The following GRIA1 variants were observed in gnomAD, a reference collection of about 807,000 sequenced individuals.
GRIA1 encodes the protein glutamate receptor 1.
GRIA1 carries 31 observed loss-of-function variants against 99.2 expected under a neutral mutation model. The ratio of observed to expected loss-of-function variants is 0.31; its 90% CI spans 0.23 to 0.42. The LOEUF is 0.42. Ranked by LOEUF, GRIA1 falls within the 10% of genes least tolerant of loss-of-function variation. The pLI is 1.00. For missense variants in GRIA1, 782 were observed against 1,157.5 expected (o/e 0.68, Z 4.71); for synonymous variants, 438 against 432.4 (o/e 1.01, Z -0.16).
At chr5:153,797,701 G>C (rs1165385998) in intron 14 of GRIA1, among the ~76,000 whole-genome samples, 1 of 152,166 alleles carries the variant, frequency 6.6e-6, no homozygotes, top group Non-Finnish European at 1.5e-5. Context: ...TTTTGAGTCA[G>C]GATGTTCTGC....
chr5:153,589,519 A>G (rs779323534), intron 2 of GRIA1, among the ~76,000 whole-genome samples: 1 of 152,212 alleles, frequency 6.6e-6, no homozygotes, highest in Non-Finnish European at 1.5e-5. Flanking sequence ...AACTTCTCAT[A>G]CTGAAATCGG....
intron 2 of GRIA1, among the ~76,000 whole-genome samples, chr5:153,596,028 T>TAAA (rs5872327): frequency 4.1e-5 from 6 of 147,688 alleles, no homozygotes; most frequent in Non-Finnish European, 7.5e-5. Flanking sequence ...ATATAGACAA[T>TAAA]AAAAAAAAAA....
intron 11 of GRIA1, among the ~76,000 whole-genome samples, chr5:153,708,048 T>C (rs1240175658): frequency 6.6e-6 from 1 of 152,198 alleles, no homozygotes; most frequent in African/African-American, 2.4e-5. Flanking sequence ...TTTTTCTCCT[T>C]TATTTCCTTC....
intron 2 of GRIA1, among the ~76,000 whole-genome samples, chr5:153,629,324 C>T (rs1002286761): frequency 1.3e-5 from 2 of 152,204 alleles, no homozygotes; most frequent in Non-Finnish European, 2.9e-5. Context: ...ACTCCGGGGC[C>T]TTCACAGCTT....
intron 11 of GRIA1, among the ~76,000 whole-genome samples, chr5:153,743,123 A>AAAAT (rs2149577760): frequency 6.6e-6 from 1 of 152,308 alleles, no homozygotes; most frequent in East Asian, 1.9e-4. Flanking sequence ...CTTCACCCAG[A>AAAAT]AAATAGAGAG....
Position 153,552,416 on chromosome 5 carries a change from T to G in GRIA1, c.220+58351T>G, listed in dbSNP as rs1561635726. On this transcript the variant is annotated intron_variant, in intron 2 of 15. Coordinates refer to ENST00000285900, the MANE Select transcript of GRIA1 (RefSeq NM_000827.4). ...GCTTGACTCCTAAAGGTATTTCAAT[T>G]AGTGGCCTGTTTTTGCTCTTTTTGG... Among the ~76,000 whole-genome samples, 7 of 152,090 alleles carry G rather than the reference T, an allele frequency of 4.6e-5. No homozygotes were observed. In the South Asian group the frequency reaches 1.5e-3, roughly 32 times the overall value.
chr5:153,586,908 C>T (rs929975024), intron 2 of GRIA1, among the ~76,000 whole-genome samples: 7 of 152,208 alleles, frequency 4.6e-5, no homozygotes, highest in African/African-American at 9.6e-5. Flanking sequence ...ACTTGAGGCA[C>T]GTTTCCAGAC....
At chr5:153,764,342 G>A (rs1763373800) in intron 11 of GRIA1, 92 bp from the exon 12 acceptor site, 3 of 922,180 alleles carry the variant, frequency 3.3e-6, no homozygotes, top group Non-Finnish European at 1.8e-6. Flanking sequence ...TGACCGCTCT[G>A]CTGCCAAGCC....
At chr5:153,650,658 A>G in intron 4 of GRIA1, 144 bp downstream of exon 4, 2 of 723,802 alleles carry the variant, frequency 2.8e-6, no homozygotes, top group Non-Finnish European at 4.4e-6. Context: ...CTCATTTTCT[A>G]TAATTCACAA....
At chr5:153,511,848 C>T (rs1028440958) in intron 2 of GRIA1, among the ~76,000 whole-genome samples, 49 of 152,152 alleles carry the variant, frequency 3.2e-4, no homozygotes, top group African/African-American at 3.6e-4. Flanking sequence ...CTGGCAGACT[C>T]GGGGGAGGCA....
intron 2 of GRIA1, among the ~76,000 whole-genome samples, chr5:153,601,088 G>C (rs975469791): frequency 1.3e-5 from 2 of 152,150 alleles, no homozygotes; most frequent in African/African-American, 4.8e-5. Context: ...TTCATTCGCT[G>C]GATGAACAGA....
chr5:153,583,616 C>A (rs533710800), intron 2 of GRIA1, among the ~76,000 whole-genome samples: 4 of 152,260 alleles, frequency 2.6e-5, no homozygotes, highest in Middle Eastern at 3.4e-3. Flanking sequence ...CACATCCTAA[C>A]TTTTTATGTC....
intron 11 of GRIA1, among the ~76,000 whole-genome samples, chr5:153,707,794 G>A (rs989546531): frequency 4.7e-5 from 7 of 148,414 alleles, no homozygotes; most frequent in African/African-American, 1.7e-4. Context: ...TTATAATCTT[G>A]TTTTTCTTTA....
chr5:153,607,302 C>T (rs555993365), intron 2 of GRIA1, among the ~76,000 whole-genome samples: 37 of 151,736 alleles, frequency 2.4e-4, no homozygotes, highest in Admixed American at 2.4e-3. Flanking sequence ...TTGGTTTTGA[C>T]TTTGTTTATC....
At chr5:153,493,859 G>T in intron 1 of GRIA1, 69 bp from the exon 2 acceptor site, 1 of 1,498,328 alleles carries the variant, frequency 6.7e-7, no homozygotes, top group Non-Finnish European at 9.3e-7. Context: ...GGACTCATCT[G>T]GAGTGAGTCG....
intron 2 of GRIA1, among the ~76,000 whole-genome samples, chr5:153,624,293 CG>C (rs1281820189): frequency 2.0e-5 from 3 of 152,314 alleles, no homozygotes; most frequent in African/African-American, 7.2e-5. Flanking sequence ...TCTCTCTAAC[CG>C]TGACTCAGCA....
At chr5:153,806,682 A>G (rs1766450666) in intron 15 of GRIA1, among the ~76,000 whole-genome samples, 2 of 152,228 alleles carry the variant, frequency 1.3e-5, no homozygotes, top group African/African-American at 4.8e-5. Context: ...CGAGAGGAAG[A>G]GGGGCAGAAA....
chr5:153,517,395 CAGGGGTAGT>C (rs1756728739), intron 2 of GRIA1, among the ~76,000 whole-genome samples: 1 of 152,138 alleles, frequency 6.6e-6, no homozygotes, highest in South Asian at 2.1e-4. Flanking sequence ...TTTGAGCTTC[CAGGGGTAGT>C]AACCACTAGT....
intron 11 of GRIA1, among the ~76,000 whole-genome samples, chr5:153,752,356 T>A (rs887761489): frequency 3.3e-5 from 5 of 152,188 alleles, no homozygotes; most frequent in African/African-American, 1.2e-4. Flanking sequence ...TCCTGACCTC[T>A]GCTAGCAGAG....
Sources: allele counts gnomAD v4.1 joint callset (sites outside exome capture counted in the v4.1 genomes callset), GRCh38; gene constraint gnomAD v4.1.1; transcripts MANE v1.5; gene names NCBI Gene and HGNC (gene_info 2026-07-23, HGNC 2026-07-21).